The following SHC4 variants were observed in gnomAD, a reference collection of about 807,000 sequenced individuals.
SHC4 encodes the protein SHC-transforming protein 4.
A neutral mutation model predicts 69.4 loss-of-function variants in SHC4; 41 were observed. The ratio of observed to expected loss-of-function variants is 0.59; its 90% CI spans 0.46 to 0.77. The LOEUF (loss-of-function observed/expected upper bound fraction) is 0.77, where lower values mean the gene tolerates loss of function less well. SHC4 is among the 30% of genes least tolerant of loss of function. The pLI, the probability that SHC4 is intolerant of heterozygous loss-of-function variation, is 0.00. For synonymous variants in SHC4, 318 were observed against 299.3 expected, an observed-to-expected ratio of 1.06 and a Z score of -0.64; for missense variants, 777 against 783.8, an observed-to-expected ratio of 0.99 and a Z score of 0.10.
intron 2 of SHC4, among the ~76,000 whole-genome samples, 195 bp from the exon 3 acceptor site, chr15:48,891,006 T>G (rs1352492986): frequency 1.3e-5 from 2 of 152,222 alleles, no homozygotes; most frequent in Non-Finnish European, 2.9e-5. Context: ...AGCAGCACCC[T>G]AATACTGAGC....
intron 4 of SHC4, chr15:48,878,589 C>T: frequency 6.2e-7 from 1 of 1,614,046 alleles, no homozygotes; most frequent in Non-Finnish European, 8.5e-7. Context: ...TTTCTGAGAA[C>T]AAGAGAACCA....
At chr15:48,940,056 T>C (rs1306261365) in intron 1 of SHC4, among the ~76,000 whole-genome samples, 2 of 152,226 alleles carry the variant, frequency 1.3e-5, no homozygotes, top group Non-Finnish European at 2.9e-5. Flanking sequence ...ACAAGGTTGC[T>C]CTAGGTGTCT....
At chr15:48,953,759 G>A (rs924573435) in intron 1 of SHC4, among the ~76,000 whole-genome samples, 2 of 152,112 alleles carry the variant, frequency 1.3e-5, no homozygotes, top group African/African-American at 4.8e-5. Flanking sequence ...CATTTAGCCC[G>A]AGTGCTCCTG....
At chr15:48,929,196 T>G (rs1900909424) in intron 1 of SHC4, among the ~76,000 whole-genome samples, 1 of 152,174 alleles carries the variant, frequency 6.6e-6, no homozygotes, top group African/African-American at 2.4e-5. Context: ...CTCTGTCCAC[T>G]TCTTTCTTTA....
chr15:48,899,094 T>C (rs889193539), intron 2 of SHC4, among the ~76,000 whole-genome samples: 3 of 151,888 alleles, frequency 2.0e-5, no homozygotes, highest in Middle Eastern at 3.2e-3. Context: ...TCACCCACTT[T>C]ATTCACTCAA....
chr15:48,908,681 C>T (rs1273210310), intron 2 of SHC4, among the ~76,000 whole-genome samples: 1 of 152,142 alleles, frequency 6.6e-6, no homozygotes, highest in Non-Finnish European at 1.5e-5. Context: ...TTTATAGTTT[C>T]AGGTCTTAGG....
intron 3 of SHC4, among the ~76,000 whole-genome samples, chr15:48,888,168 G>C: frequency 6.6e-6 from 1 of 152,300 alleles, no homozygotes; most frequent in East Asian, 1.9e-4. Context: ...TGTAACTCAT[G>C]TTCATAGCAG....
At position 48,825,812 on chromosome 15, in the gene SHC4, G is replaced by C. The variant is rs1898677394; in HGVS notation, c.*159C>G. The stretch of plus-strand genomic sequence containing the variant: ...CATTTCTGAAGACTAATTTTTGTTA[G>C]TTCTTCATTTTATAGAGGACCTGGT... On this transcript the variant is annotated 3_prime_UTR_variant, in exon 12 of 12. Transcript: ENST00000332408. 1 of 827,430 alleles carries C rather than the reference G, an allele frequency of 1.2e-6. No individual in the cohort carries two copies. The highest frequency in any genetic ancestry group is 1.8e-6 in the Non-Finnish European group (1 of 557,606). 51.3% of individuals were successfully genotyped at this position (827,430 alleles called of 1,614,324 possible). A position where few individuals can be genotyped will look rare whatever the true frequency, so the allele number is the denominator to read the frequency against.
chr15:48,893,501 A>G (rs1900169646), intron 2 of SHC4, among the ~76,000 whole-genome samples: 1 of 152,214 alleles, frequency 6.6e-6, no homozygotes, highest in African/African-American at 2.4e-5. Flanking sequence ...CTTTATTTAT[A>G]GAAACTGAAG....
chr15:48,886,882 G>A (rs1900045708), intron 3 of SHC4, among the ~76,000 whole-genome samples: 1 of 152,182 alleles, frequency 6.6e-6, no homozygotes, highest in African/African-American at 2.4e-5. Flanking sequence ...AGAAGGCTGA[G>A]GATGGGATAC....
At chr15:48,852,711 C>T (rs568501676) in intron 8 of SHC4, among the ~76,000 whole-genome samples, 2 of 151,880 alleles carry the variant, frequency 1.3e-5, no homozygotes, top group East Asian at 1.9e-4. Context: ...AGACCAGCCT[C>T]GCCAACATGG....
intron 2 of SHC4, among the ~76,000 whole-genome samples, chr15:48,907,790 G>A (rs1266829860): frequency 6.7e-6 from 1 of 149,154 alleles, no homozygotes; most frequent in African/African-American, 2.5e-5. Context: ...ATATATACAC[G>A]GTCATAAAAA....
intron 2 of SHC4, among the ~76,000 whole-genome samples, chr15:48,899,419 T>C (rs1439456378): frequency 6.6e-6 from 1 of 152,120 alleles, no homozygotes; most frequent in Non-Finnish European, 1.5e-5. Flanking sequence ...TGAGCCAAGA[T>C]TGTGCCATTG....
chr15:48,907,367 C>T (rs1462965911), intron 2 of SHC4, among the ~76,000 whole-genome samples: 2 of 151,904 alleles, frequency 1.3e-5, no homozygotes, highest in East Asian at 1.9e-4. Context: ...AGATTACAGG[C>T]ATGCACCATC....
chr15:48,835,704 G>A (rs1279441768), intron 10 of SHC4, among the ~76,000 whole-genome samples: 1 of 152,178 alleles, frequency 6.6e-6, no homozygotes, highest in East Asian at 1.9e-4. Flanking sequence ...GTTGTCCAGA[G>A]TTGAGAGCAC....
intron 6 of SHC4, among the ~76,000 whole-genome samples, chr15:48,859,702 G>A (rs1899402346): frequency 6.6e-6 from 1 of 152,194 alleles, no homozygotes; most frequent in South Asian, 2.1e-4. Flanking sequence ...TTTTTGAAGT[G>A]AGAATTGCAG....
chr15:48,860,167 A>T (rs79914245), intron 6 of SHC4, among the ~76,000 whole-genome samples: 3 of 145,224 alleles, frequency 2.1e-5, no homozygotes, highest in African/African-American at 7.4e-5. Flanking sequence ...CTTTTTTTTT[A>T]AAGAAAAGGT....
intron 4 of SHC4, chr15:48,878,262 C>T (rs1899861097): frequency 6.2e-7 from 1 of 1,612,906 alleles, no homozygotes; most frequent in African/African-American, 1.3e-5. Context: ...GGTGACCTTC[C>T]GCAGATGGAG....
At chr15:48,919,349 G>A (rs893351477) in intron 2 of SHC4, among the ~76,000 whole-genome samples, 3 of 119,884 alleles carry the variant, frequency 2.5e-5, no homozygotes, top group Non-Finnish European at 5.0e-5. Context: ...CACCTGGGCT[G>A]GAGTGCAGTG....
Sources: gnomAD v4.1 joint callset for allele counts (sites outside exome capture counted in the v4.1 genomes callset) on GRCh38, gnomAD v4.1.1 for gene constraint, MANE v1.5 for transcripts, NCBI Gene and HGNC (gene_info 2026-07-23, HGNC 2026-07-21) for gene names.